DNAH1: variants seen among roughly 807,000 people sequenced by gnomAD.
The protein encoded by DNAH1 is axonemal beta dynein heavy chain 1.
A neutral mutation model predicts 484.3 loss-of-function variants in DNAH1; 327 were observed. The observed-to-expected ratio is 0.68, with a 90% CI of 0.62 to 0.74. The LOEUF (loss-of-function observed/expected upper bound fraction) is 0.74, where lower values mean the gene tolerates loss of function less well. DNAH1 is among the 30% of genes least tolerant of loss of function. DNAH1 has a pLI of 0.00. For synonymous variants in DNAH1, 2,192 were observed against 2,191.9 expected, an observed-to-expected ratio of 1.00 and a Z score of 0.00; for missense variants, 5,052 against 5,546.8, an observed-to-expected ratio of 0.91 and a Z score of 2.83.
At position 52,326,824 on chromosome 3, in the gene DNAH1, A is replaced by G. The variant is rs377526970; in HGVS notation, c.671A>G (p.Asp224Gly). 7 of 1,613,694 alleles carry G rather than the reference A, an allele frequency of 4.3e-6. No homozygotes were observed. The highest frequency in any genetic ancestry group is 5.1e-6 in the Non-Finnish European group (6 of 1,179,754). ...AACAAGCTCATGCCCAGGCACCTGG[A>G]CCACCAGCACCCCCAAACCATCGAA... ...DSNKLMPRHL[D>G]HQHPQTIEQG... The change falls in exon 5 of 78, where the codon GAC (aspartate) becomes GGC (glycine). Residue 224 changes from aspartate to glycine, a missense_variant. Asp to Gly is a moderately conservative substitution (Grantham distance 94). Coordinates refer to ENST00000420323, the MANE Select transcript of DNAH1 (RefSeq NM_015512.5).
chr3:52,364,178 T>C lies in DNAH1; in HGVS notation c.5245-460T>C, dbSNP rs1702976141. Among the ~76,000 whole-genome samples the C allele has an allele frequency of 6.6e-6, 1 of 152,168 alleles. No individual in the cohort carries two copies. The highest frequency in any genetic ancestry group is 2.4e-5 in the African/African-American group (1 of 41,432). The stretch of plus-strand genomic sequence containing the variant: ...ATTTAACTATTTCCAACTCACTTAC[T>C]GTGTAATGAAGAGAAACAGGCTGGG... On this transcript the variant is annotated intron_variant, in intron 32 of 77. Transcript: ENST00000420323. This position sits in a 1 kb window ranked among gnomAD's most constrained non-coding sequence, Gnocchi z 4.2.
In DNAH1 at chr3:52,345,544, C is replaced by T. The variant is rs199564957; in HGVS notation, c.1494C>T (p.Phe498=). 12 of 1,586,230 alleles carry T rather than the reference C, an allele frequency of 7.6e-6. No homozygotes were observed. The highest frequency in any genetic ancestry group is 2.3e-5 in the East Asian group (1 of 43,340). The change falls in exon 10 of 78, where the codon TTC becomes TTT. Residue 498 remains phenylalanine (F), a synonymous_variant. Coordinates refer to ENST00000420323, the MANE Select transcript of DNAH1 (RefSeq NM_015512.5). ...ACTTCTGGGAGCAGAAGGAGGACTT[C>T]ACTTTCGTGTCCCTGCTCACACGGC... ...KYHFWEQKED[F]TFVSLLTRPE...
At chr3:52,340,182 A>G (rs1293760885) in intron 8 of DNAH1, among the ~76,000 whole-genome samples, 1 of 152,126 alleles carries the variant, frequency 6.6e-6, no homozygotes, top group Non-Finnish European at 1.5e-5. Flanking sequence ...TCTTGGGCTC[A>G]AGTAATCCTC....
In DNAH1 at chr3:52,356,788, A is replaced by C; in HGVS notation, c.3858+10A>C. The C allele has an allele frequency of 6.3e-7, 1 of 1,592,226 alleles. No homozygotes were observed. The highest frequency in any genetic ancestry group is 1.1e-5 in the South Asian group (1 of 88,568). On this transcript the variant is annotated intron_variant, in intron 22 of 77. Coordinates refer to ENST00000420323, the MANE Select transcript of DNAH1 (RefSeq NM_015512.5). ...CTACGAGAACCGGGAGGCAAGCTCA[A>C]TGAGGGTGGGAGGGGCAGCTGGGAT...
intron 46 of DNAH1, among the ~76,000 whole-genome samples, chr3:52,376,325 AG>A (rs1304012900): frequency 2.0e-5 from 3 of 152,320 alleles, no homozygotes; most frequent in Middle Eastern, 3.4e-3. Context: ...AGGTGTGCAC[AG>A]GAAAGCCGGG....
intron 8 of DNAH1, among the ~76,000 whole-genome samples, chr3:52,339,775 TG>T (rs1263640587): frequency 2.6e-5 from 4 of 151,958 alleles, no homozygotes; most frequent in South Asian, 2.1e-4. Context: ...TTTGTTTGTT[TG>T]TTTTTAGAAT....
At chr3:52,359,658 C>T (rs933009558) in intron 26 of DNAH1, among the ~76,000 whole-genome samples, 6 of 152,220 alleles carry the variant, frequency 3.9e-5, no homozygotes, top group Non-Finnish European at 5.9e-5. Context: ...CCCTGTGCTC[C>T]AGTGCCTTGC....
In DNAH1 at chr3:52,360,520, C is replaced by A. The variant is rs954915878; in HGVS notation, c.4685+96C>A. 7 of 1,027,080 alleles carry A rather than the reference C, an allele frequency of 6.8e-6. No individual in the cohort carries two copies. In the African/African-American group the frequency reaches 1.1e-4, roughly 16 times the overall value. The allele number at this position is 1,027,080 out of a possible 1,614,324, so 63.6% of individuals were successfully genotyped here. A position where few individuals can be genotyped will look rare whatever the true frequency, so the allele number is the denominator to read the frequency against. ...GGGACCATGGCCACTCTGGGGTGAT[C>A]TAGTCCATCAGAGCAGTACAGGGTT... On this transcript the variant is annotated intron_variant, in intron 28 of 77. Coordinates refer to ENST00000420323, the MANE Select transcript of DNAH1 (RefSeq NM_015512.5).
rs1156308211 is a variant in DNAH1 at position 52,348,979 on chromosome 3, T to C, written c.2198T>C (p.Ile733Thr). 1 of 1,613,466 alleles carries C rather than the reference T, an allele frequency of 6.2e-7. No individual in the cohort carries two copies. The highest frequency in any genetic ancestry group is 1.7e-5 in the Admixed American group (1 of 60,024). Residue 733 changes from isoleucine (I) to threonine (T), a missense_variant, in exon 13 of 78, where the codon ATT becomes ACT. Physicochemically the swap from Ile to Thr is moderately conservative, Grantham distance 89. Around this residue, in one of 4 missense-constraint regions of DNAH1, gnomAD observed 1,263 missense variants for 1,218.8 expected, o/e 1.04. Coordinates refer to ENST00000420323, the MANE Select transcript of DNAH1 (RefSeq NM_015512.5). ...EPLVEELRAT[I>T]ASAVSKAMIP... ...CTGGTGGAAGAGCTACGGGCCACCATTGCCAGTGCCGTGTCCAAGGCCATG... is the reference window on the plus strand; with the variant it reads ...CTGGTGGAAGAGCTACGGGCCACCACTGCCAGTGCCGTGTCCAAGGCCATG...
chr3:52,326,493 G>A (rs1701350380), intron 4 of DNAH1, among the ~76,000 whole-genome samples, 179 bp downstream of exon 4: 1 of 152,186 alleles, frequency 6.6e-6, no homozygotes, highest in Non-Finnish European at 1.5e-5. Flanking sequence ...TATGGAGTTG[G>A]GGAAGGTGGC....
intron 39 of DNAH1, 76 bp downstream of exon 39, chr3:52,370,305 AAGAG>A: frequency 1.9e-6 from 3 of 1,571,438 alleles, no homozygotes; most frequent in African/African-American, 2.7e-5. Context: ...TGGGGCCTGA[AAGAG>A]AGAATTGGAT....
intron 28 of DNAH1, among the ~76,000 whole-genome samples, chr3:52,360,910 G>A (rs1257059788): frequency 2.0e-5 from 3 of 152,138 alleles, no homozygotes; most frequent in African/African-American, 7.2e-5. Context: ...TTGAGTGAGG[G>A]AAGTGAAGTG....
chr3:52,360,149 C>T (rs1236052605), intron 27 of DNAH1, 70 bp downstream of exon 27: 1 of 1,601,320 alleles, frequency 6.2e-7, no homozygotes. Context: ...AGAGAAAAGT[C>T]AGTTAGCAAT....
chr3:52,353,371 AC>A lies in DNAH1; in HGVS notation c.3227-6del, dbSNP rs1702475435. On this transcript the variant is annotated splice_region_variant and splice_polypyrimidine_tract_variant and intron_variant, in intron 19 of 77. Coordinates refer to ENST00000420323, the MANE Select transcript of DNAH1 (RefSeq NM_015512.5). This position sits in a 1 kb window ranked among gnomAD's most constrained non-coding sequence, Gnocchi z 5.0. ...CCTGCCTCTCATGCGTTTCTGTCTT[AC>A]CCGGCAGCCTGCCAGGAAGTGGCCT... is the stretch of plus-strand genomic sequence containing the variant. 2.5e-6 allele frequency: 4 copies of A among 1,609,246 alleles called. No individual in the cohort carries two copies. In the East Asian group the frequency reaches 8.9e-5, roughly 36 times the overall value.
chr3:52,372,092 C>T lies in DNAH1; in HGVS notation c.6666+6C>T. The T allele has an allele frequency of 6.2e-7, 1 of 1,613,102 alleles. No homozygotes were observed. The highest frequency in any genetic ancestry group is 8.5e-7 in the Non-Finnish European group (1 of 1,179,572). ...TGCTCACCAACAAGAAGCCCGTGAGCACCCCCCCAGGCCCTGCCTCCACTG... is the reference window on the plus strand; with the variant it reads ...TGCTCACCAACAAGAAGCCCGTGAGTACCCCCCCAGGCCCTGCCTCCACTG... On this transcript the variant is annotated splice_donor_region_variant and intron_variant, in intron 42 of 77. Transcript: ENST00000420323.
In DNAH1 at chr3:52,372,998, C is replaced by A. The variant is rs370197256; in HGVS notation, c.6930C>A (p.Ile2310=). ...AGACCTACGGTGCACAGCCACCCAT[C>A]GAGCTGTTGCGCCAGTGGATGGACC... The part of the protein sequence containing the change: ...ALETYGAQPP[I]ELLRQWMDHG... The change falls in exon 44 of 78, where the codon ATC becomes ATA. Residue 2310 remains isoleucine (I), a synonymous_variant. Coordinates refer to ENST00000420323, the MANE Select transcript of DNAH1 (RefSeq NM_015512.5). The A allele has an allele frequency of 3.7e-6, 6 of 1,613,486 alleles. No homozygotes were observed. Among genetic ancestry groups the A allele is most frequent in the East Asian group, 2.2e-5 (1 of 44,884 alleles).
In DNAH1 at chr3:52,358,623, G is replaced by C. The variant is rs763284904; in HGVS notation, c.4152G>C (p.Leu1384Phe). 3.1e-6 allele frequency: 5 copies of C among 1,613,228 alleles called. No individual in the cohort carries two copies. The highest frequency in any genetic ancestry group is 3.4e-6 in the Non-Finnish European group (4 of 1,179,774). ...MYSAEGEEVQ[L>F]CFSIYPSSNV... ...CAGCCGAGGGGGAGGAGGTACAGTT[G>C]TGCTTCTCCATCTACCCCTCCAGCA... The change falls in exon 25 of 78, where the codon TTG (leucine) becomes TTC (phenylalanine). Residue 1384 changes from leucine to phenylalanine, a missense_variant. By Grantham distance (22) the Leu-to-Phe change is conservative. Transcript: ENST00000420323. The surrounding 1 kb of genome is among the most constrained non-coding windows in gnomAD (Gnocchi z 4.2).
chr3:52,326,814 AGGCACCT>A lies in DNAH1; in HGVS notation c.664_670del (p.His222ThrfsTer22). The A allele has an allele frequency of 6.2e-7, 1 of 1,613,738 alleles. No homozygotes were observed. The highest frequency in any genetic ancestry group is 8.5e-7 in the Non-Finnish European group (1 of 1,179,774). ...CATCGACTCCAACAAGCTCATGCCC[AGGCACCT>A]GGACCACCAGCACCCCCAAACCATC... On this transcript the variant is annotated frameshift_variant, in exon 5 of 78. Transcript: ENST00000420323. LOFTEE classifies it high-confidence loss of function.
chr3:52,372,456 C>A, intron 43 of DNAH1, 69 bp downstream of exon 43: 1 of 1,581,872 alleles, frequency 6.3e-7, no homozygotes, highest in Non-Finnish European at 8.6e-7. Flanking sequence ...TGCTGTCCCA[C>A]CTCTCCACCA....
Sources: allele counts gnomAD v4.1 joint callset (sites outside exome capture counted in the v4.1 genomes callset), GRCh38; gene constraint gnomAD v4.1.1; regional missense constraint gnomAD v4.1.1; non-coding constraint Gnocchi (gnomAD v3.1); transcripts MANE v1.5; gene names NCBI Gene and HGNC (gene_info 2026-07-23, HGNC 2026-07-21).